Variants in RANBP2 observed in about 807,000 individuals in gnomAD.
RANBP2 encodes the protein E3 SUMO-protein ligase RanBP2.
Under a neutral mutation model 303.6 loss-of-function variants are expected in RANBP2, and 57 were observed. The observed-to-expected ratio is 0.19, with a 90% CI of 0.15 to 0.23. RANBP2 has a LOEUF of 0.23. Among genes scored for constraint, RANBP2 ranks in the 10% least tolerant of loss-of-function variants. The probability of loss-of-function intolerance (pLI) is 1.00; values close to 1 mark genes in which losing one functional copy is unlikely to be tolerated. For synonymous variants in RANBP2, 1,167 were observed against 1,301.5 expected, an observed-to-expected ratio of 0.90 and a Z score of 2.23; for missense variants, 3,138 against 3,780.8, an observed-to-expected ratio of 0.83 and a Z score of 4.46.
the RANBP2 span, among the ~76,000 whole-genome samples, chr2:109,101,206 A>G: frequency 6.6e-6 from 1 of 152,112 alleles, no homozygotes; most frequent in Non-Finnish European, 1.5e-5. Flanking sequence ...GACGTATATT[A>G]CTTTCATAAA....
chr2:109,152,526 A>G, the RANBP2 span, among the ~76,000 whole-genome samples: 1 of 152,258 alleles, frequency 6.6e-6, no homozygotes, highest in Admixed American at 6.5e-5. Context: ...ACTGGAAACA[A>G]CGAAGTGTTT....
the RANBP2 span, among the ~76,000 whole-genome samples, chr2:108,945,832 C>T: frequency 6.6e-6 from 1 of 152,130 alleles, no homozygotes; most frequent in Non-Finnish European, 1.5e-5. Flanking sequence ...CATGTGATCC[C>T]ACTTGTATGA....
chr2:109,399,036 T>C, the RANBP2 span: 1 of 1,343,538 alleles, frequency 7.4e-7, no homozygotes, highest in Admixed American at 2.2e-5. Context: ...TCAACTAGCA[T>C]GGAGGCCGCC....
chr2:109,097,340 CAAAA>C, the RANBP2 span, among the ~76,000 whole-genome samples: 3 of 151,216 alleles, frequency 2.0e-5, no homozygotes, highest in East Asian at 3.9e-4. Context: ...CAAAACAAAA[CAAAA>C]CAAAACAAAA....
At chr2:109,347,697 C>T in the RANBP2 span, 3 of 1,613,656 alleles carry the variant, frequency 1.9e-6, no homozygotes, top group South Asian at 1.1e-5. Context: ...TTCCCTATGG[C>T]AAGGCCCTCT....
the RANBP2 span, among the ~76,000 whole-genome samples, chr2:108,909,937 A>G: frequency 1.3e-5 from 2 of 152,192 alleles, no homozygotes; most frequent in South Asian, 4.1e-4. Context: ...TCAGTGTGGT[A>G]TCCTATAAAC....
At chr2:109,642,850 G>T in the RANBP2 span, among the ~76,000 whole-genome samples, 1 of 151,990 alleles carries the variant, frequency 6.6e-6, no homozygotes, top group South Asian at 2.1e-4. Context: ...TGCACTCAAA[G>T]TCTGGAATCT....
the RANBP2 span, among the ~76,000 whole-genome samples, chr2:109,360,218 A>G: frequency 6.6e-6 from 1 of 152,224 alleles, no homozygotes; most frequent in African/African-American, 2.4e-5. Flanking sequence ...TACTCTGAAC[A>G]TGTAATTTTT....
the RANBP2 span, among the ~76,000 whole-genome samples, chr2:109,556,029 T>C: frequency 1.3e-5 from 2 of 152,330 alleles, no homozygotes; most frequent in Non-Finnish European, 2.9e-5. Flanking sequence ...GCCTCATTCA[T>C]CTCTGTGACT....
the RANBP2 span, among the ~76,000 whole-genome samples, chr2:109,246,587 C>T: frequency 0.017 from 2,586 of 151,880 alleles, 65 homozygotes; most frequent in Non-Finnish European, 0.019. Context: ...GATGTTTCAC[C>T]ACTGTAGTAC....
chr2:109,314,233 T>C, the RANBP2 span, among the ~76,000 whole-genome samples: 1 of 152,176 alleles, frequency 6.6e-6, no homozygotes, highest in Non-Finnish European at 1.5e-5. Context: ...CATGTATATT[T>C]AATGCTGCCT....
At chr2:109,093,330 C>T in the RANBP2 span, among the ~76,000 whole-genome samples, 298 of 150,716 alleles carry the variant, frequency 2.0e-3, 2 homozygotes, top group African/African-American at 7.1e-3. Flanking sequence ...TCCCCACCCC[C>T]ACAACCAAGA....
At chr2:109,078,184 C>CACGT in the RANBP2 span, among the ~76,000 whole-genome samples, 1 of 60,934 alleles carries the variant, frequency 1.6e-5, no homozygotes, top group Non-Finnish European at 3.2e-5. Flanking sequence ...ATATATATAG[C>CACGT]ATATATATAT....
the RANBP2 span, among the ~76,000 whole-genome samples, chr2:109,447,420 G>T: frequency 6.6e-6 from 1 of 152,148 alleles, no homozygotes; most frequent in African/African-American, 2.4e-5. Flanking sequence ...CATAGTTGGG[G>T]GCTGAGAAGA....
the RANBP2 span, among the ~76,000 whole-genome samples, chr2:109,736,206 C>G: frequency 1.3e-5 from 2 of 152,202 alleles, no homozygotes; most frequent in African/African-American, 4.8e-5. Flanking sequence ...TTCCCAGCCT[C>G]GGTAGCCCCC....
At chr2:109,528,406 C>T in the RANBP2 span, among the ~76,000 whole-genome samples, 49 of 152,294 alleles carry the variant, frequency 3.2e-4, no homozygotes, top group African/African-American at 1.2e-3. Flanking sequence ...CAACATGGCC[C>T]ATGGGAAAGT....
At chr2:108,869,134 C>A in the RANBP2 span, among the ~76,000 whole-genome samples, 2 of 151,984 alleles carry the variant, frequency 1.3e-5, no homozygotes, top group Non-Finnish European at 2.9e-5. Flanking sequence ...GTTGCAGGTG[C>A]TTGTTTCCCC....
the RANBP2 span, among the ~76,000 whole-genome samples, chr2:108,978,935 T>C: frequency 6.6e-6 from 1 of 152,174 alleles, no homozygotes. Context: ...ATTTGAAAGC[T>C]TTCCAAAAGG....
At chr2:109,538,716 C>T in the RANBP2 span, among the ~76,000 whole-genome samples, 8 of 152,116 alleles carry the variant, frequency 5.3e-5, no homozygotes, top group African/African-American at 1.9e-4. Context: ...GACGGGGTTT[C>T]GCCATGTTGG....
Sources: gnomAD v4.1 joint callset for allele counts (sites outside exome capture counted in the v4.1 genomes callset) on GRCh38, gnomAD v4.1.1 for gene constraint, MANE v1.5 for transcripts, NCBI Gene and HGNC (gene_info 2026-07-23, HGNC 2026-07-21) for gene names.